ACACA: variants seen among roughly 807,000 people sequenced by gnomAD.
ACACA encodes acetyl-CoA carboxylase alpha.
In ACACA, 103 loss-of-function variants were observed where a neutral mutation model predicts 296.1. The observed-to-expected ratio is 0.35, with a 90% CI of 0.30 to 0.41. The LOEUF is 0.41. Ranked by LOEUF, ACACA falls within the 10% of genes least tolerant of loss-of-function variation. The pLI, the probability that ACACA is intolerant of heterozygous loss-of-function variation, is 1.00. For synonymous variants in ACACA, 953 were observed against 1,038.6 expected, an observed-to-expected ratio of 0.92 and a Z score of 1.58; for missense variants, 1,554 against 2,989.7, an observed-to-expected ratio of 0.52 and a Z score of 11.20.
At chr17:37,189,104 C>T (rs1240930894) in intron 38 of ACACA, among the ~76,000 whole-genome samples, 1 of 152,152 alleles carries the variant, frequency 6.6e-6, no homozygotes, top group Non-Finnish European at 1.5e-5. Flanking sequence ...GGCAGATGTT[C>T]CCACATTTCT....
chr17:37,228,206 CTTT>C (rs11299899), intron 25 of ACACA, among the ~76,000 whole-genome samples: 4,940 of 106,136 alleles, frequency 0.047, 221 homozygotes, highest in African/African-American at 0.15. Context: ...TTCTCAAACC[CTTT>C]TTTTTTTTTT....
intron 38 of ACACA, among the ~76,000 whole-genome samples, chr17:37,190,466 G>A (rs1408565788): frequency 2.0e-5 from 3 of 151,766 alleles, no homozygotes; most frequent in Non-Finnish European, 2.9e-5. Context: ...GTTAGAGGGA[G>A]CAGAAACAGA....
intron 1 of ACACA, among the ~76,000 whole-genome samples, chr17:37,364,800 TCTTATC>T (rs1023098084): frequency 2.0e-5 from 3 of 152,164 alleles, no homozygotes; most frequent in African/African-American, 7.2e-5. Context: ...CCATGCTTAT[TCTTATC>T]CTTATACCTT....
intron 3 of ACACA, among the ~76,000 whole-genome samples, chr17:37,295,833 G>A (rs1475941512): frequency 2.0e-5 from 3 of 152,120 alleles, no homozygotes; most frequent in African/African-American, 7.2e-5. Flanking sequence ...GCTGAGGCAT[G>A]AGAATTGCTT....
intron 14 of ACACA, among the ~76,000 whole-genome samples, chr17:37,255,555 G>A (rs571533864): frequency 6.6e-6 from 1 of 152,112 alleles, no homozygotes; most frequent in Non-Finnish European, 1.5e-5. Context: ...TTCTGGATTG[G>A]GTTATAGGAC....
rs141048333 is a variant in ACACA at position 37,386,366 on chromosome 17, C to T, written c.38+19896G>A. ...TAGCACTTTGGGAGGCCGAGGTGGG[C>T]GGATCACCTGTGGTCAGGAGTTCAA... On this transcript the variant is annotated intron_variant, in intron 1 of 55. Coordinates refer to ENST00000616317, the MANE Select transcript of ACACA (RefSeq NM_198834.3). Among the ~76,000 whole-genome samples, 1,019 of 152,002 alleles carry T rather than the reference C, an allele frequency of 6.7e-3. 14 individuals carry two copies. The highest frequency in any genetic ancestry group is 0.022 in the African/African-American group (913 of 41,444).
Position 37,087,322 on chromosome 17 carries a change from G to A in ACACA, c.7146C>T (p.Ser2382=). Residue 2382 remains serine (S), a synonymous_variant, in exon 56 of 56, where the codon TCC becomes TCT. Transcript: ENST00000616317. ...IRILSTMDSP[S]T Reference sequence around the variant, plus strand: ...GACAGGCAGGAAGCTCTTCCTACGTGGAAGGGGAATCCATTGTGGAGAGGA... The same window carrying A: ...GACAGGCAGGAAGCTCTTCCTACGTAGAAGGGGAATCCATTGTGGAGAGGA... 1 of 1,614,188 alleles carries A rather than the reference G, an allele frequency of 6.2e-7. No homozygotes were observed. The highest frequency in any genetic ancestry group is 8.5e-7 in the Non-Finnish European group (1 of 1,180,032).
intron 3 of ACACA, among the ~76,000 whole-genome samples, chr17:37,308,485 GAA>G (rs1417630525): frequency 1.3e-5 from 2 of 152,016 alleles, no homozygotes; most frequent in Non-Finnish European, 2.9e-5. Flanking sequence ...CTATAGACAT[GAA>G]AAACAAGCAT....
intron 37 of ACACA, among the ~76,000 whole-genome samples, chr17:37,191,805 T>C (rs2077764490): frequency 6.6e-6 from 1 of 152,060 alleles, no homozygotes; most frequent in African/African-American, 2.4e-5. Flanking sequence ...AGTGTTATTA[T>C]GCTTCTGCTA....
intron 3 of ACACA, among the ~76,000 whole-genome samples, chr17:37,312,613 TTTTTGA>T (rs2084208710): frequency 1.3e-5 from 2 of 152,280 alleles, no homozygotes; most frequent in South Asian, 4.1e-4. Flanking sequence ...ACATTACATG[TTTTTGA>T]ACAGATGTGA....
chr17:37,191,378 C>T, intron 37 of ACACA, 103 bp from the exon 38 acceptor site: 1 of 1,162,650 alleles, frequency 8.6e-7, no homozygotes, highest in East Asian at 2.5e-5. Flanking sequence ...AATCATAAGG[C>T]ACTTGGTGAA....
intron 3 of ACACA, among the ~76,000 whole-genome samples, chr17:37,293,294 C>T (rs1439643098): frequency 3.3e-5 from 5 of 152,244 alleles, no homozygotes; most frequent in African/African-American, 1.2e-4. Context: ...TTTTTTCTCA[C>T]TAATCACACA....
chr17:37,391,797 C>T, intron 1 of ACACA: 1 of 1,287,332 alleles, frequency 7.8e-7, no homozygotes, highest in Admixed American at 1.7e-5. Flanking sequence ...CACATTCTTG[C>T]CAATTTCACA....
chr17:37,155,612 A>G (rs1247390389), intron 43 of ACACA, 71 bp downstream of exon 43: 9 of 1,042,098 alleles, frequency 8.6e-6, no homozygotes, highest in Non-Finnish European at 1.3e-5. Flanking sequence ...ACAGCTGTAC[A>G]ATATGGAAAA....
intron 1 of ACACA, among the ~76,000 whole-genome samples, chr17:37,342,416 AAAAAAAAAAAAAAAAAAAAAATAT>A (rs2147350651): frequency 8.5e-6 from 1 of 117,308 alleles, no homozygotes; most frequent in African/African-American, 3.6e-5. Context: ...CAAAAAAAAA[AAAAAAAAAAAAAAAAAAAAAATAT>A]ATATATATAT....
chr17:37,203,146 G>C (rs1457950748), intron 33 of ACACA, among the ~76,000 whole-genome samples: 1 of 151,836 alleles, frequency 6.6e-6, no homozygotes, highest in African/African-American at 2.4e-5. Flanking sequence ...ATTTTCAGTA[G>C]AGACGGGGTT....
chr17:37,249,640 C>T (rs2080884901), intron 16 of ACACA, among the ~76,000 whole-genome samples: 1 of 152,028 alleles, frequency 6.6e-6, no homozygotes, highest in African/African-American at 2.4e-5. Flanking sequence ...TGGAACAAAA[C>T]ATACAGACAT....
chr17:37,357,190 C>A (rs552659213), intron 1 of ACACA, among the ~76,000 whole-genome samples: 4 of 152,080 alleles, frequency 2.6e-5, no homozygotes, highest in Non-Finnish European at 2.9e-5. Context: ...CTATTATGCA[C>A]TGGTAAATCA....
chr17:37,259,483 A>G lies in ACACA; in HGVS notation c.1377T>C (p.Thr459=), dbSNP rs1326990887. Residue 459 remains threonine (T), a synonymous_variant, in exon 12 of 56, where the codon ACT becomes ACC. Coordinates refer to ENST00000616317, the MANE Select transcript of ACACA (RefSeq NM_198834.3). ...AKMVGYVSAG[T]VEYLYSQDGS... ...CATCCTGGCTGTACAGGTATTCCACAGTCCCAGCACTCACATAACCCACCA... is the reference window on the plus strand; with the variant it reads ...CATCCTGGCTGTACAGGTATTCCACGGTCCCAGCACTCACATAACCCACCA... 1.2e-6 allele frequency: 2 copies of G among 1,614,200 alleles called. No individual in the cohort carries two copies. The highest frequency in any genetic ancestry group is 8.5e-7 in the Non-Finnish European group (1 of 1,180,024).
Sources: gnomAD v4.1 joint callset for allele counts (sites outside exome capture counted in the v4.1 genomes callset) on GRCh38, gnomAD v4.1.1 for gene constraint, MANE v1.5 for transcripts, NCBI Gene and HGNC (gene_info 2026-07-23, HGNC 2026-07-21) for gene names.